Variants in L3MBTL4 observed in about 807,000 individuals in gnomAD.
L3MBTL4 encodes L3MBTL histone methyl-lysine binding protein 4, also known as lethal(3)malignant brain tumor-like protein 4.
L3MBTL4 carries 70 observed loss-of-function variants against 84.5 expected under a neutral mutation model. That is an observed-to-expected ratio of 0.83 (90% CI 0.68 to 1.01). L3MBTL4 has a LOEUF of 1.01. Among genes scored for constraint, L3MBTL4 ranks in the 50% least tolerant of loss-of-function variants. The pLI is 0.00. For synonymous variants in L3MBTL4, 274 were observed against 259.8 expected (o/e 1.05, Z -0.52); for missense variants, 715 against 754.8 (o/e 0.95, Z 0.62).
At chr18:6,283,255 T>G (rs932221103) in intron 4 of L3MBTL4, among the ~76,000 whole-genome samples, 1 of 152,200 alleles carries the variant, frequency 6.6e-6, no homozygotes, top group Admixed American at 6.5e-5. Flanking sequence ...CACAAACTAT[T>G]GGCAAAAATC....
At chr18:6,407,011 T>C (rs745571712) in intron 1 of L3MBTL4, among the ~76,000 whole-genome samples, 1 of 152,242 alleles carries the variant, frequency 6.6e-6, no homozygotes, top group Non-Finnish European at 1.5e-5. Flanking sequence ...CGGTGATTAA[T>C]GTGTAACTGT....
Position 6,244,606 on chromosome 18 carries a change from A to T in L3MBTL4, c.220-18T>A, listed in dbSNP as rs1219961655. ...GACTGATCCTACAAAATTTCACGAC[A>T]TAACATTAGCCACTGAGATTTCATC... On this transcript the variant is annotated intron_variant, in intron 5 of 18. Transcript: ENST00000317931. 4 of 1,518,574 alleles carry T rather than the reference A, an allele frequency of 2.6e-6. No homozygotes were observed. The highest frequency in any genetic ancestry group is 2.7e-6 in the Non-Finnish European group (3 of 1,093,502). 94.1% of individuals were successfully genotyped at this position (1,518,574 alleles called of 1,614,324 possible).
intron 12 of L3MBTL4, among the ~76,000 whole-genome samples, chr18:6,197,539 G>A (rs997927331): frequency 1.3e-5 from 2 of 152,134 alleles, no homozygotes; most frequent in African/African-American, 2.4e-5. Flanking sequence ...TTGATTCCAC[G>A]TCTTTGCTAT....
intron 1 of L3MBTL4, among the ~76,000 whole-genome samples, chr18:6,380,013 T>A (rs2054532313): frequency 6.6e-6 from 1 of 152,094 alleles, no homozygotes; most frequent in Non-Finnish European, 1.5e-5. Context: ...TTGGTCTCTT[T>A]AGGGATTCGA....
chr18:6,412,327 C>T (rs1227597116), intron 1 of L3MBTL4, among the ~76,000 whole-genome samples: 1 of 152,136 alleles, frequency 6.6e-6, no homozygotes, highest in Non-Finnish European at 1.5e-5. Flanking sequence ...CTGCTCACTC[C>T]CCCACTTCAC....
At chr18:5,964,405 A>G (rs1180355981) in intron 17 of L3MBTL4, among the ~76,000 whole-genome samples, 2 of 152,240 alleles carry the variant, frequency 1.3e-5, no homozygotes, top group Admixed American at 1.3e-4. Context: ...GGTGTTCTCT[A>G]TCTCGCTGAG....
At chr18:6,049,696 T>C (rs1382136351) in intron 16 of L3MBTL4, among the ~76,000 whole-genome samples, 3 of 151,858 alleles carry the variant, frequency 2.0e-5, no homozygotes, top group African/African-American at 4.8e-5. Context: ...GTGGCAAAAA[T>C]AGATACTGGA....
intron 14 of L3MBTL4, among the ~76,000 whole-genome samples, chr18:6,094,915 C>T (rs183986151): frequency 2.6e-5 from 4 of 152,044 alleles, no homozygotes; most frequent in African/African-American, 4.8e-5. Flanking sequence ...GAGAGAAGGG[C>T]GCCTTTACAT....
chr18:6,234,727 A>G (rs1478396222), intron 10 of L3MBTL4, among the ~76,000 whole-genome samples: 1 of 152,198 alleles, frequency 6.6e-6, no homozygotes, highest in African/African-American at 2.4e-5. Context: ...TGGGACTGTA[A>G]ACTAGTTCAA....
In L3MBTL4 at chr18:6,328,963, A is replaced by G. The variant is rs76111792; in HGVS notation, c.-90-16907T>C. Among the ~76,000 whole-genome samples, 3 of 152,202 alleles carry G rather than the reference A, an allele frequency of 2.0e-5. No homozygotes were observed. The East Asian group carries it at 5.8e-4, about 29-fold the overall frequency. ...GTGTAACATACATGCAGAAAAATGC[A>G]TAACAGCTTAGGCCACAGCTCAATA... On this transcript the variant is annotated intron_variant, in intron 1 of 18. Coordinates refer to ENST00000317931, the MANE Select transcript of L3MBTL4 (RefSeq NM_001330559.2).
At chr18:5,997,094 C>T (rs1156307652) in intron 16 of L3MBTL4, among the ~76,000 whole-genome samples, 2 of 150,710 alleles carry the variant, frequency 1.3e-5, no homozygotes, top group African/African-American at 2.5e-5. Context: ...AGTAAAAACA[C>T]TACAAGTAAA....
chr18:6,026,558 C>A (rs1437119293), intron 16 of L3MBTL4, among the ~76,000 whole-genome samples: 1 of 152,028 alleles, frequency 6.6e-6, no homozygotes, highest in Non-Finnish European at 1.5e-5. Context: ...GGTTTTAATC[C>A]CAGCCACTCC....
intron 4 of L3MBTL4, among the ~76,000 whole-genome samples, chr18:6,286,390 G>T (rs182629582): frequency 6.6e-6 from 1 of 151,862 alleles, no homozygotes; most frequent in Non-Finnish European, 1.5e-5. Context: ...CTTGAACCCA[G>T]GAGGCAGAGG....
intron 14 of L3MBTL4, among the ~76,000 whole-genome samples, chr18:6,109,201 G>T (rs1240980426): frequency 2.0e-5 from 3 of 152,116 alleles, no homozygotes; most frequent in African/African-American, 7.2e-5. Flanking sequence ...TCTGAAAAAT[G>T]GCCAATATCT....
intron 1 of L3MBTL4, among the ~76,000 whole-genome samples, chr18:6,346,120 A>ATATATG (rs1336548267): frequency 6.8e-6 from 1 of 147,300 alleles, no homozygotes; most frequent in African/African-American, 2.5e-5. Context: ...ATATATATAT[A>ATATATG]TATATATATA....
At chr18:5,977,187 G>A (rs898716644) in intron 16 of L3MBTL4, among the ~76,000 whole-genome samples, 15 of 152,192 alleles carry the variant, frequency 9.9e-5, no homozygotes, top group African/African-American at 3.4e-4. Context: ...TGGCATCTCT[G>A]AGGACTGAGA....
intron 16 of L3MBTL4, among the ~76,000 whole-genome samples, chr18:6,069,701 G>A (rs933402759): frequency 2.0e-5 from 3 of 152,122 alleles, no homozygotes; most frequent in Admixed American, 6.5e-5. Flanking sequence ...GGGAGGAGCA[G>A]GCAGCAGTAA....
intron 16 of L3MBTL4, among the ~76,000 whole-genome samples, chr18:6,065,822 T>C (rs949263349): frequency 2.0e-5 from 3 of 152,228 alleles, no homozygotes; most frequent in East Asian, 3.9e-4. Flanking sequence ...GTTTCATTTA[T>C]CTTTTGTAAT....
intron 16 of L3MBTL4, among the ~76,000 whole-genome samples, chr18:6,026,150 CT>C (rs1384719394): frequency 6.6e-6 from 1 of 152,046 alleles, no homozygotes; most frequent in Non-Finnish European, 1.5e-5. Context: ...TTCTTTTAGC[CT>C]TAGAAATATA....
Sources: allele counts gnomAD v4.1 joint callset (sites outside exome capture counted in the v4.1 genomes callset), GRCh38; gene constraint gnomAD v4.1.1; transcripts MANE v1.5; gene names NCBI Gene and HGNC (gene_info 2026-07-23, HGNC 2026-07-21).